SIPA1L3: variants seen among roughly 807,000 people sequenced by gnomAD.
The protein encoded by SIPA1L3 is signal-induced proliferation-associated 1-like protein 3.
SIPA1L3 carries 59 observed loss-of-function variants against 150.1 expected under a neutral mutation model. The ratio of observed to expected loss-of-function variants is 0.39; its 90% CI spans 0.32 to 0.49. SIPA1L3 has a LOEUF of 0.49. Ranked by LOEUF, SIPA1L3 falls within the 20% of genes least tolerant of loss-of-function variation. The pLI is 0.86. For synonymous variants in SIPA1L3, 1,070 were observed against 1,077.6 expected (o/e 0.99, Z 0.14); for missense variants, 2,211 against 2,489.5 (o/e 0.89, Z 2.38).
At chr19:37,984,553 T>TA (rs2145621940) in intron 1 of SIPA1L3, among the ~76,000 whole-genome samples, 1 of 152,320 alleles carries the variant, frequency 6.6e-6, no homozygotes, top group Admixed American at 6.5e-5. Flanking sequence ...CAGACTAGGC[T>TA]AGGGCAAGTA....
chr19:38,102,970 C>CA (rs1391583685), intron 6 of SIPA1L3, among the ~76,000 whole-genome samples: 2 of 150,808 alleles, frequency 1.3e-5, no homozygotes, highest in Admixed American at 6.6e-5. Flanking sequence ...ACTAAAAATA[C>CA]AAAAAAATTA....
chr19:38,021,217 G>A (rs1968366238), intron 1 of SIPA1L3, among the ~76,000 whole-genome samples: 2 of 152,194 alleles, frequency 1.3e-5, no homozygotes, highest in African/African-American at 4.8e-5. Flanking sequence ...AGTTAGGAAT[G>A]ATTCAGCCGC....
intron 1 of SIPA1L3, among the ~76,000 whole-genome samples, chr19:37,992,722 GC>G (rs945136751): frequency 6.6e-6 from 1 of 152,026 alleles, no homozygotes; most frequent in African/African-American, 2.4e-5. Flanking sequence ...CTCCCCTTTG[GC>G]CTTGAAAAGT....
chr19:37,973,556 C>T (rs768174642), intron 1 of SIPA1L3, among the ~76,000 whole-genome samples: 3 of 40,950 alleles, frequency 7.3e-5, no homozygotes, highest in Non-Finnish European at 1.5e-4. Context: ...AAAAAAAAAG[C>T]GGGAGGGGGG....
chr19:38,111,418 T>A (rs759291709), intron 8 of SIPA1L3, among the ~76,000 whole-genome samples: 7 of 152,180 alleles, frequency 4.6e-5, no homozygotes, highest in Non-Finnish European at 8.8e-5. Context: ...TCATCTCCTG[T>A]CCTCTACTGA....
intron 12 of SIPA1L3, among the ~76,000 whole-genome samples, chr19:38,145,593 A>G (rs1472450296): frequency 3.3e-5 from 5 of 151,794 alleles, no homozygotes; most frequent in African/African-American, 7.3e-5. Flanking sequence ...CCCTTCACGC[A>G]GCCTCCCCTA....
rs560680142 is a variant in SIPA1L3 at position 38,103,102 on chromosome 19, A to G, written c.2029+1876A>G. The stretch of plus-strand genomic sequence containing the variant: ...CGCACCATTGCACTCCAGCCTGGGC[A>G]ACAGAGCAAGACTCCGTCTCAATCA... On this transcript the variant is annotated intron_variant, in intron 6 of 21. Transcript: ENST00000222345. Among the ~76,000 whole-genome samples, 27 of 151,188 alleles carry G rather than the reference A, an allele frequency of 1.8e-4. No homozygotes were observed. In the East Asian group the frequency reaches 5.3e-3, roughly 30 times the overall value.
At chr19:38,124,795 C>G (rs1270243805) in intron 9 of SIPA1L3, among the ~76,000 whole-genome samples, 2 of 152,206 alleles carry the variant, frequency 1.3e-5, no homozygotes, top group Admixed American at 1.3e-4. Flanking sequence ...CGGTTAGGAG[C>G]TGGAGACCAG....
intron 1 of SIPA1L3, among the ~76,000 whole-genome samples, chr19:37,952,031 G>A (rs1001935094): frequency 1.3e-5 from 2 of 152,046 alleles, no homozygotes; most frequent in African/African-American, 4.8e-5. Context: ...TTGGTTCAAG[G>A]AAGGGAGGAG....
intron 3 of SIPA1L3, among the ~76,000 whole-genome samples, chr19:38,084,066 T>C (rs995131419): frequency 6.6e-6 from 1 of 151,118 alleles, no homozygotes; most frequent in African/African-American, 2.4e-5. Context: ...TAGAAGGGAC[T>C]CTCCTGTGAA....
chr19:38,026,647 T>C (rs1428952892), intron 1 of SIPA1L3, among the ~76,000 whole-genome samples: 1 of 152,152 alleles, frequency 6.6e-6, no homozygotes, highest in Admixed American at 6.5e-5. Context: ...CCAGTTGTTC[T>C]TTTCCCTTGG....
chr19:38,082,755 C>T lies in SIPA1L3; in HGVS notation c.1190C>T (p.Pro397Leu), dbSNP rs746001408. 10 of 1,612,886 alleles carry T rather than the reference C, an allele frequency of 6.2e-6. No individual in the cohort carries two copies. The highest frequency in any genetic ancestry group is 5.0e-5 in the Admixed American group (3 of 60,004). ...SRAHSLGGLD[P>L]AFTSTEDLNC... ...GCCCACAGCCTCGGAGGCCTGGACC[C>T]GGCCTTCACCAGCACAGAGGACCTA... Residue 397 changes from proline to leucine, a missense_variant, in exon 3 of 22, where the codon CCG becomes CTG. Transcript: ENST00000222345.
rs1459429245 is a variant in SIPA1L3 at position 38,100,015 on chromosome 19, G to A, written c.1719G>A (p.Lys573=). The stretch of plus-strand genomic sequence containing the variant: ...AAGATGCTACGCCCACAGCCACCAA[G>A]CATGGGACCGGGCGGGGCCTGCCCT... The part of the protein sequence containing the change: ...ILEDATPTAT[K]HGTGRGLPLK... The change falls in exon 5 of 22, where the codon AAG becomes AAA. Residue 573 remains lysine, a synonymous_variant. Coordinates refer to ENST00000222345, the MANE Select transcript of SIPA1L3 (RefSeq NM_015073.3). The A allele has an allele frequency of 6.2e-7, 1 of 1,610,914 alleles. No individual in the cohort carries two copies. Among genetic ancestry groups the A allele is most frequent in the African/African-American group, 1.3e-5 (1 of 74,734 alleles).
chr19:37,954,972 A>G (rs1287446323), intron 1 of SIPA1L3, among the ~76,000 whole-genome samples: 2 of 151,174 alleles, frequency 1.3e-5, no homozygotes, highest in African/African-American at 4.9e-5. Context: ...CTGTAGTCCC[A>G]GGTACTTGGG....
In SIPA1L3 at chr19:38,084,548, TA is replaced by T. The variant is rs60242010; in HGVS notation, c.1534+1471del. Among the ~76,000 whole-genome samples the T allele has an allele frequency of 9.1e-3, 847 of 93,520 alleles. 10 individuals carry two copies. Among genetic ancestry groups the T allele is most frequent in the African/African-American group, 0.032 (698 of 21,600 alleles). The allele number at this position is 93,520 out of a possible 152,430, so 61.4% of individuals were successfully genotyped here. A position where few individuals can be genotyped will look rare whatever the true frequency, so the allele number is the denominator to read the frequency against. On this transcript the variant is annotated intron_variant, in intron 3 of 21. Coordinates refer to ENST00000222345, the MANE Select transcript of SIPA1L3 (RefSeq NM_015073.3). ...TTTTCCAAGAATAGAGGGCTTTTCT[TA>T]AAAAAAAAAAAAAAAAAAAAAGACG... is the stretch of plus-strand genomic sequence containing the variant.
chr19:38,085,654 C>T (rs565305943), intron 3 of SIPA1L3, among the ~76,000 whole-genome samples: 2 of 152,270 alleles, frequency 1.3e-5, no homozygotes, highest in East Asian at 1.9e-4. Flanking sequence ...AGTTGTGAAC[C>T]TTCGTATACC....
Position 38,082,172 on chromosome 19 carries a change from G to T in SIPA1L3, c.607G>T (p.Gly203Trp). Residue 203 changes from glycine to tryptophan, a missense_variant, in exon 3 of 22, where the codon GGG becomes TGG. This residue lies in a region of SIPA1L3 where 587 missense variants were observed against 534.5 expected (regional missense o/e 1.10). Coordinates refer to ENST00000222345, the MANE Select transcript of SIPA1L3 (RefSeq NM_015073.3). ...TGALPLFREY[G>W]STSSIDVQGM... ...GGCGCTGCCCCTCTTCCGCGAGTAC[G>T]GGAGCACCTCGTCCATCGACGTGCA... The T allele has an allele frequency of 1.2e-6, 2 of 1,605,026 alleles. No individual in the cohort carries two copies. The highest frequency in any genetic ancestry group is 1.7e-6 in the Non-Finnish European group (2 of 1,179,728).
chr19:38,162,131 C>T, intron 13 of SIPA1L3, 122 bp from the exon 14 acceptor site: 2 of 744,160 alleles, frequency 2.7e-6, no homozygotes, highest in Non-Finnish European at 4.9e-6. Flanking sequence ...GTGTTGCACT[C>T]CAAGGTGTAA....
chr19:38,094,415 A>G (rs896007006), intron 4 of SIPA1L3, among the ~76,000 whole-genome samples: 1 of 152,076 alleles, frequency 6.6e-6, no homozygotes, highest in Non-Finnish European at 1.5e-5. Flanking sequence ...TGCCTGGCTA[A>G]TAATTTTGTT....
Sources: allele counts gnomAD v4.1 joint callset (sites outside exome capture counted in the v4.1 genomes callset), GRCh38; gene constraint gnomAD v4.1.1; regional missense constraint gnomAD v4.1.1; transcripts MANE v1.5; gene names NCBI Gene and HGNC (gene_info 2026-07-23, HGNC 2026-07-21).